Variants in SPATA16 observed in about 807,000 individuals in gnomAD.
SPATA16 encodes the protein spermatogenesis associated 16.
Under a neutral mutation model 63.3 loss-of-function variants are expected in SPATA16, and 36 were observed. The observed-to-expected ratio is 0.57, with a 90% CI of 0.44 to 0.75. The LOEUF is 0.75. SPATA16 is among the 30% of genes least tolerant of loss of function. The probability of loss-of-function intolerance (pLI) is 0.00; values close to 1 mark genes in which losing one functional copy is unlikely to be tolerated. For synonymous variants in SPATA16, 203 were observed against 216.7 expected, an observed-to-expected ratio of 0.94 and a Z score of 0.56; for missense variants, 646 against 679.3, an observed-to-expected ratio of 0.95 and a Z score of 0.54.
intron 4 of SPATA16, among the ~76,000 whole-genome samples, chr3:173,010,793 C>T (rs575322313): frequency 6.6e-6 from 1 of 152,148 alleles, no homozygotes; most frequent in East Asian, 1.9e-4. Context: ...CCGTTGGGCT[C>T]CTACCACCTA....
chr3:172,912,156 C>G (rs1560064539), intron 10 of SPATA16, among the ~76,000 whole-genome samples: 1 of 152,156 alleles, frequency 6.6e-6, no homozygotes, highest in African/African-American at 2.4e-5. Flanking sequence ...GAAATATCCC[C>G]TTTTACCTGG....
chr3:173,096,277 G>C (rs1737347516), intron 2 of SPATA16, among the ~76,000 whole-genome samples: 1 of 152,040 alleles, frequency 6.6e-6, no homozygotes, highest in Admixed American at 6.6e-5. Flanking sequence ...GAAATTAAAA[G>C]GGGAAGTCAT....
intron 4 of SPATA16, among the ~76,000 whole-genome samples, chr3:173,011,671 CTT>C (rs1412829761): frequency 6.6e-6 from 1 of 152,214 alleles, no homozygotes; most frequent in Non-Finnish European, 1.5e-5. Flanking sequence ...CAGATTATCT[CTT>C]TTCACAGACA....
chr3:172,932,549 G>A (rs1499632), intron 6 of SPATA16, among the ~76,000 whole-genome samples: 98,797 of 151,840 alleles, frequency 0.65, 32,652 homozygotes, highest in South Asian at 0.8. Context: ...TTTCTCAATC[G>A]TGTTCTGAGT....
rs558153257 is a variant in SPATA16 at position 172,928,926 on chromosome 3, A to G, written c.1082-3434T>C. Among the ~76,000 whole-genome samples the G allele has an allele frequency of 4.6e-5, 7 of 152,322 alleles. No individual in the cohort carries two copies. The South Asian group carries it at 8.3e-4, about 18-fold the overall frequency. On this transcript the variant is annotated intron_variant, in intron 6 of 10. Transcript: ENST00000351008. ...GAACATTTAGCCTAACAGGTGGTCT[A>G]TGACCCAAAATGACAACACACTTAC... is the stretch of plus-strand genomic sequence containing the variant.
At chr3:173,049,844 C>G (rs2108294388) in intron 2 of SPATA16, among the ~76,000 whole-genome samples, 3 of 152,164 alleles carry the variant, frequency 2.0e-5, no homozygotes, top group Admixed American at 2.0e-4. Flanking sequence ...AATAATATGA[C>G]AAGGGAAGAT....
chr3:172,959,310 G>A (rs1733682904), intron 5 of SPATA16, among the ~76,000 whole-genome samples: 1 of 152,220 alleles, frequency 6.6e-6, no homozygotes, highest in African/African-American at 2.4e-5. Context: ...AGTGGCAGAA[G>A]TGTAGGTTTT....
chr3:173,120,953 AT>A (rs1269034768), intron 1 of SPATA16, among the ~76,000 whole-genome samples: 1 of 152,158 alleles, frequency 6.6e-6, no homozygotes, highest in East Asian at 1.9e-4. Flanking sequence ...AGGGGGAAAA[AT>A]TATATAGGGT....
chr3:172,908,799 C>T (rs1027853859), intron 10 of SPATA16, among the ~76,000 whole-genome samples: 2 of 151,316 alleles, frequency 1.3e-5, no homozygotes. Flanking sequence ...ATATCAACTT[C>T]TACTGGGCTC....
rs1302572486 is a variant in SPATA16, at chr3:172,924,213, A to G, written c.1333T>C (p.Leu445=). 8 of 1,610,582 alleles carry G rather than the reference A, an allele frequency of 5.0e-6. No homozygotes were observed. The highest frequency in any genetic ancestry group is 1.7e-5 in the Admixed American group (1 of 59,996). Residue 445 remains leucine, a synonymous_variant, in exon 8 of 11, where the codon TTG becomes CTG. Transcript: ENST00000351008. ...TAAAAGACTCATATACCTACATTCA[A>G]TTGGGTGCTTCTAATAAAATCCAAT... The part of the protein sequence containing the change: ...PILDFIRSTQ[L]NGSFPASSGV...
Position 173,124,559 on chromosome 3 carries a change from T to C in SPATA16, c.-18-6810A>G, listed in dbSNP as rs997204274. On this transcript the variant is annotated intron_variant, in intron 1 of 10. Coordinates refer to ENST00000351008, the MANE Select transcript of SPATA16 (RefSeq NM_031955.6). The stretch of plus-strand genomic sequence containing the variant: ...ATCACCTCTTCTTTTGTTATTGGAC[T>C]GATCCTCTTGATGCCTGCACTGATG... Among the ~76,000 whole-genome samples the C allele has an allele frequency of 5.9e-5, 9 of 152,364 alleles. No homozygotes were observed. In the East Asian group the frequency reaches 1.3e-3, roughly 23 times the overall value.
intron 3 of SPATA16, among the ~76,000 whole-genome samples, chr3:173,043,615 A>G (rs1735896479): frequency 2.0e-5 from 3 of 151,918 alleles, no homozygotes; most frequent in African/African-American, 7.2e-5. Context: ...TGGTACTTTT[A>G]TATTTACCAT....
chr3:172,901,698 C>A (rs1360951830), intron 10 of SPATA16, among the ~76,000 whole-genome samples: 2 of 152,172 alleles, frequency 1.3e-5, no homozygotes, highest in Non-Finnish European at 2.9e-5. Flanking sequence ...CCAATTCACC[C>A]TCCATAACAC....
intron 10 of SPATA16, among the ~76,000 whole-genome samples, chr3:172,900,839 C>T (rs1179914479): frequency 6.6e-6 from 1 of 151,962 alleles, no homozygotes; most frequent in Non-Finnish European, 1.5e-5. Context: ...ATGGGGGTTT[C>T]ACTATATTGG....
At chr3:173,130,419 A>C (rs543194806) in intron 1 of SPATA16, among the ~76,000 whole-genome samples, 39 of 151,978 alleles carry the variant, frequency 2.6e-4, no homozygotes, top group African/African-American at 9.2e-4. Flanking sequence ...CATATAATAC[A>C]GCTTTCACCA....
intron 1 of SPATA16, among the ~76,000 whole-genome samples, chr3:173,120,920 A>G (rs980662923): frequency 2.1e-5 from 3 of 141,038 alleles, no homozygotes; most frequent in African/African-American, 8.9e-5. Flanking sequence ...TCTTCAGTGC[A>G]GTTTTACACA....
intron 3 of SPATA16, among the ~76,000 whole-genome samples, chr3:173,040,787 A>T (rs909334978): frequency 6.6e-6 from 1 of 152,182 alleles, no homozygotes; most frequent in Non-Finnish European, 1.5e-5. Context: ...AAACCTTCTC[A>T]GGAAGTTAGT....
intron 10 of SPATA16, among the ~76,000 whole-genome samples, chr3:172,896,255 C>T (rs970540242): frequency 1.1e-4 from 16 of 152,214 alleles, no homozygotes; most frequent in Non-Finnish European, 2.1e-4. Context: ...GAGTCTCGCT[C>T]TGTCACCCAG....
intron 2 of SPATA16, among the ~76,000 whole-genome samples, chr3:173,088,022 CTTTCTT>C (rs1560118806): frequency 3.7e-5 from 4 of 108,958 alleles, no homozygotes; most frequent in East Asian, 3.4e-4. Flanking sequence ...TTCTTTCTTT[CTTTCTT>C]TCTTTCTTTC....
Sources: gnomAD v4.1 joint callset for allele counts (sites outside exome capture counted in the v4.1 genomes callset) on GRCh38, gnomAD v4.1.1 for gene constraint, MANE v1.5 for transcripts, NCBI Gene and HGNC (gene_info 2026-07-23, HGNC 2026-07-21) for gene names.